Variants in HECW2 observed in about 807,000 individuals in gnomAD.
HECW2 encodes HECT, C2 and WW domain containing E3 ubiquitin protein ligase 2.
A neutral mutation model predicts 175.2 loss-of-function variants in HECW2; 61 were observed. The observed-to-expected ratio is 0.35, with a 90% confidence interval of 0.28 to 0.43. The LOEUF (loss-of-function observed/expected upper bound fraction) is 0.43. HECW2 is among the 20% of genes least tolerant of loss of function. The pLI is 1.00. For missense variants in HECW2, 1,524 were observed against 2,000.5 expected, an observed-to-expected ratio of 0.76 and a Z score of 4.54; for synonymous variants, 671 against 731.0, an observed-to-expected ratio of 0.92 and a Z score of 1.32.
At chr2:196,443,291 G>C (rs1313769766) in intron 1 of HECW2, among the ~76,000 whole-genome samples, 1 of 152,058 alleles carries the variant, frequency 6.6e-6, no homozygotes, top group Non-Finnish European at 1.5e-5. Flanking sequence ...AAAGATAAAA[G>C]AAAAAAGCCA....
At chr2:196,512,539 G>A (rs535342465) in intron 1 of HECW2, among the ~76,000 whole-genome samples, 2 of 152,044 alleles carry the variant, frequency 1.3e-5, no homozygotes, top group South Asian at 2.1e-4. Context: ...CTACAGGCAC[G>A]TGCCACCAAA....
intron 7 of HECW2, 90 bp from the exon 8 acceptor site, chr2:196,320,529 T>C (rs1429101506): frequency 2.8e-6 from 2 of 719,418 alleles, no homozygotes; most frequent in East Asian, 2.7e-5. Context: ...ATCCCTCCTA[T>C]CTCTCTTAAA....
chr2:196,317,976 A>C (rs1288349642), intron 9 of HECW2, among the ~76,000 whole-genome samples: 1 of 152,212 alleles, frequency 6.6e-6, no homozygotes, highest in Non-Finnish European at 1.5e-5. Context: ...TGACATTCCT[A>C]AATTGTAGAA....
intron 2 of HECW2, among the ~76,000 whole-genome samples, chr2:196,400,396 G>T (rs932668872): frequency 7.9e-5 from 12 of 152,156 alleles, no homozygotes; most frequent in African/African-American, 2.9e-4. Flanking sequence ...CTCTGGAAAA[G>T]ATATAGAATT....
chr2:196,455,302 G>A (rs1399652260), intron 1 of HECW2, among the ~76,000 whole-genome samples: 1 of 152,186 alleles, frequency 6.6e-6, no homozygotes, highest in East Asian at 1.9e-4. Context: ...AGAGTGCTGG[G>A]ATTACAGGCG....
At chr2:196,205,154 A>T (rs1303880912) in intron 28 of HECW2, among the ~76,000 whole-genome samples, 1 of 152,178 alleles carries the variant, frequency 6.6e-6, no homozygotes, top group African/African-American at 2.4e-5. Context: ...TAATAAACTA[A>T]ACAGCTCCTC....
intron 9 of HECW2, among the ~76,000 whole-genome samples, chr2:196,317,695 T>A (rs58280102): frequency 1.0e-4 from 15 of 145,294 alleles, no homozygotes; most frequent in South Asian, 6.5e-4. Flanking sequence ...AAACAAAATT[T>A]AAAAAAAAAA....
chr2:196,217,321 G>C (rs1054811626), intron 26 of HECW2: 1 of 404,044 alleles, frequency 2.5e-6, no homozygotes, highest in Non-Finnish European at 4.4e-6. Flanking sequence ...TTCATTTAAC[G>C]GTCACTAAGT....
chr2:196,489,170 A>T (rs1384136609), intron 1 of HECW2, among the ~76,000 whole-genome samples: 1 of 152,214 alleles, frequency 6.6e-6, no homozygotes, highest in South Asian at 2.1e-4. Flanking sequence ...GTTAATCAGA[A>T]GACAGCATGA....
intron 5 of HECW2, among the ~76,000 whole-genome samples, chr2:196,326,722 G>T (rs112355283): frequency 2.6e-5 from 4 of 152,178 alleles, no homozygotes; most frequent in South Asian, 4.2e-4. Context: ...GATTACAGGC[G>T]TGAGCCACTG....
intron 16 of HECW2, among the ~76,000 whole-genome samples, chr2:196,272,271 A>G (rs1215228287): frequency 6.6e-6 from 1 of 152,232 alleles, no homozygotes; most frequent in East Asian, 1.9e-4. Flanking sequence ...CATCATCACG[A>G]ACCATGAACA....
intron 1 of HECW2, among the ~76,000 whole-genome samples, chr2:196,498,245 A>G (rs1019237442): frequency 6.6e-6 from 1 of 152,226 alleles, no homozygotes; most frequent in African/African-American, 2.4e-5. Flanking sequence ...ATATTATAAC[A>G]TAAGTGCTTT....
Position 196,536,473 on chromosome 2 carries a change from T to C in HECW2, c.-36+57035A>G, listed in dbSNP as rs541080477. On this transcript the variant is annotated intron_variant, in intron 1 of 28. Coordinates refer to ENST00000644978, the MANE Select transcript of HECW2 (RefSeq NM_001348768.2). The stretch of plus-strand genomic sequence containing the variant: ...AGCCCACAGATACTAAAAGTTGGCA[T>C]GCTCAGCCTCACAAAACTCCTGCTG... Among the ~76,000 whole-genome samples the C allele has an allele frequency of 2.0e-3, 310 of 152,342 alleles. 1 individual carries two copies. The highest frequency in any genetic ancestry group is 6.8e-3 in the Middle Eastern group (2 of 294).
chr2:196,362,488 T>C (rs778768941), intron 2 of HECW2, among the ~76,000 whole-genome samples: 1 of 152,134 alleles, frequency 6.6e-6, no homozygotes, highest in Non-Finnish European at 1.5e-5. Context: ...AACTTACCAT[T>C]ACCATAAATC....
chr2:196,425,830 A>G (rs777418892), intron 2 of HECW2, among the ~76,000 whole-genome samples: 1 of 152,166 alleles, frequency 6.6e-6, no homozygotes, highest in African/African-American at 2.4e-5. Flanking sequence ...GAGTTGAAAA[A>G]CTAGCAGCAG....
rs755187825 is a variant in HECW2 at position 196,222,825 on chromosome 2, ATTT to A, written c.4017-488_4017-486del. ...TTTATTTTAATATTTATTTTATTTT[ATTT>A]TTTATTAAAGACATGATTCATCTTC... On this transcript the variant is annotated intron_variant, in intron 23 of 28. Transcript: ENST00000644978. 8.2e-4 allele frequency among the ~76,000 whole-genome samples: 124 copies of A among 151,934 alleles called. 1 individual carries two copies. The highest frequency in any genetic ancestry group is 1.5e-3 in the Admixed American group (23 of 15,272).
At chr2:196,527,770 G>A (rs1205662170) in intron 1 of HECW2, among the ~76,000 whole-genome samples, 1 of 152,216 alleles carries the variant, frequency 6.6e-6, no homozygotes, top group African/African-American at 2.4e-5. Context: ...CATATTTCAA[G>A]CCCCAGGGGT....
intron 19 of HECW2, among the ~76,000 whole-genome samples, chr2:196,244,418 C>T (rs1034778595): frequency 2.6e-5 from 4 of 152,084 alleles, no homozygotes; most frequent in African/African-American, 9.7e-5. Flanking sequence ...CCAGATTTTT[C>T]TCTTGAAAAT....
chr2:196,271,329 A>C, intron 16 of HECW2, 40 bp from the exon 17 acceptor site: 1 of 1,421,274 alleles, frequency 7.0e-7, no homozygotes, highest in Non-Finnish European at 9.9e-7. Context: ...TTAAAAAAGA[A>C]TCTATTTTTA....
Sources: allele counts gnomAD v4.1 joint callset (sites outside exome capture counted in the v4.1 genomes callset), GRCh38; gene constraint gnomAD v4.1.1; transcripts MANE v1.5; gene names NCBI Gene and HGNC (gene_info 2026-07-23, HGNC 2026-07-21).